Variants in DNMBP observed in about 807,000 individuals in gnomAD.
DNMBP encodes the protein dynamin binding protein.
A neutral mutation model predicts 150.0 loss-of-function variants in DNMBP; 87 were observed. That is an observed-to-expected ratio of 0.58 (90% CI 0.49 to 0.69). The LOEUF is 0.69. Ranked by LOEUF, DNMBP falls within the 30% of genes least tolerant of loss-of-function variation. The pLI, the probability that DNMBP is intolerant of heterozygous loss-of-function variation, is 0.00. For missense variants in DNMBP, 1,774 were observed against 1,949.0 expected (o/e 0.91, Z 1.69); for synonymous variants, 711 against 750.4 (o/e 0.95, Z 0.86).
intron 4 of DNMBP, among the ~76,000 whole-genome samples, chr10:99,916,846 A>G (rs929214659): frequency 3.9e-5 from 6 of 152,122 alleles, no homozygotes; most frequent in Non-Finnish European, 8.8e-5. Flanking sequence ...ATTTCCTCAA[A>G]AGGGTCTGGG....
intron 6 of DNMBP, among the ~76,000 whole-genome samples, chr10:99,902,114 T>C (rs1416028111): frequency 6.6e-6 from 1 of 151,938 alleles, no homozygotes; most frequent in Non-Finnish European, 1.5e-5. Context: ...GGTCACAAAC[T>C]CTTGGGCTCA....
chr10:99,991,800 G>A (rs1203193258), intron 1 of DNMBP, among the ~76,000 whole-genome samples: 1 of 151,716 alleles, frequency 6.6e-6, no homozygotes, highest in Non-Finnish European at 1.5e-5. Flanking sequence ...CAGCTACTCG[G>A]GAGGCTGAGG....
intron 1 of DNMBP, among the ~76,000 whole-genome samples, chr10:100,005,819 A>G (rs995278879): frequency 1.3e-5 from 2 of 151,626 alleles, no homozygotes; most frequent in Admixed American, 6.6e-5. Context: ...TTACAGCATT[A>G]TAAATCAAGA....
At chr10:99,898,507 C>T in intron 8 of DNMBP, 1 of 664,110 alleles carries the variant, frequency 1.5e-6, no homozygotes, top group Non-Finnish European at 2.6e-6. Context: ...AGGTACTGTT[C>T]TAGGTGCTGG....
chr10:99,941,089 T>A (rs1367700711), intron 4 of DNMBP, among the ~76,000 whole-genome samples: 1 of 152,146 alleles, frequency 6.6e-6, no homozygotes, highest in African/African-American at 2.4e-5. Context: ...TTCACCATGT[T>A]GGTCCGGATG....
At chr10:99,915,505 G>A (rs904947201) in intron 4 of DNMBP, among the ~76,000 whole-genome samples, 4 of 150,860 alleles carry the variant, frequency 2.7e-5, no homozygotes, top group South Asian at 4.2e-4. Context: ...CCAGGAGTTC[G>A]AGACCAGCCT....
chr10:99,878,292 A>G (rs191972653), intron 16 of DNMBP, among the ~76,000 whole-genome samples: 2 of 152,330 alleles, frequency 1.3e-5, no homozygotes, highest in East Asian at 3.9e-4. Flanking sequence ...GGAGGAGCTC[A>G]GGGAGGAGGA....
At chr10:99,913,998 G>C in intron 4 of DNMBP, 1 of 1,504,738 alleles carries the variant, frequency 6.6e-7, no homozygotes, top group Non-Finnish European at 8.9e-7. Flanking sequence ...GGGCCTGAGG[G>C]TAAGCAGGCG....
intron 7 of DNMBP, among the ~76,000 whole-genome samples, 161 bp from the exon 8 acceptor site, chr10:99,898,921 G>A (rs2039699179): frequency 6.6e-6 from 1 of 152,242 alleles, no homozygotes; most frequent in East Asian, 1.9e-4. Context: ...GGCCAGGCAT[G>A]GTGGCTCACG....
chr10:99,953,084 C>G (rs1199862976), intron 4 of DNMBP, among the ~76,000 whole-genome samples: 1 of 152,060 alleles, frequency 6.6e-6, no homozygotes, highest in Non-Finnish European at 1.5e-5. Flanking sequence ...TAAATTTTTT[C>G]TCCTGTGAGT....
intron 4 of DNMBP, among the ~76,000 whole-genome samples, chr10:99,914,905 A>G (rs1436248140): frequency 6.6e-6 from 1 of 151,716 alleles, no homozygotes; most frequent in Non-Finnish European, 1.5e-5. Context: ...CAGCCTGGTC[A>G]ACATGGTGAA....
intron 4 of DNMBP, among the ~76,000 whole-genome samples, chr10:99,925,130 CTT>C (rs199936120): frequency 1.3e-5 from 2 of 151,734 alleles, no homozygotes; most frequent in Non-Finnish European, 2.9e-5. Flanking sequence ...TTTCCTAACA[CTT>C]TTTTTTTCTG....
intron 1 of DNMBP, among the ~76,000 whole-genome samples, chr10:99,989,186 T>C (rs2040860111): frequency 6.6e-6 from 1 of 152,242 alleles, no homozygotes; most frequent in African/African-American, 2.4e-5. Context: ...GAATTGCATA[T>C]CCATACCCTT....
chr10:99,875,840 A>T lies in DNMBP; in HGVS notation c.*1311T>A, dbSNP rs1009839854. 2 of 152,210 alleles carry T rather than the reference A, an allele frequency of 1.3e-5. No homozygotes were observed. The highest frequency in any genetic ancestry group is 4.8e-5 in the African/African-American group (2 of 41,440). 9.4% of individuals were successfully genotyped at this position (152,210 alleles called of 1,614,324 possible). A position where few individuals can be genotyped will look rare whatever the true frequency, so the allele number is the denominator to read the frequency against. On this transcript the variant is annotated 3_prime_UTR_variant, in exon 17 of 17. Transcript: ENST00000324109. The stretch of plus-strand genomic sequence containing the variant: ...GGTTTCCCATTCCAAGATAGGCTTC[A>T]TAGCTGGGGAAGATCTTAAGATTCT...
At chr10:99,911,465 C>G (rs2039898109) in intron 4 of DNMBP, among the ~76,000 whole-genome samples, 2 of 152,046 alleles carry the variant, frequency 1.3e-5, no homozygotes, top group South Asian at 2.1e-4. Flanking sequence ...CCTGGGAGAA[C>G]AGAGCAAGAC....
At chr10:99,903,294 G>A (rs1001858879) in intron 6 of DNMBP, among the ~76,000 whole-genome samples, 5 of 151,764 alleles carry the variant, frequency 3.3e-5, no homozygotes, top group African/African-American at 9.7e-5. Flanking sequence ...CAGTGGGGGT[G>A]GGGCTGGCTC....
chr10:99,889,240 C>G (rs1012430612), intron 11 of DNMBP: 1 of 220,852 alleles, frequency 4.5e-6, no homozygotes, highest in South Asian at 8.9e-5. Context: ...TACCAAAAAG[C>G]AAATTATCAA....
At chr10:99,885,614 G>A in intron 14 of DNMBP, 73 bp downstream of exon 14, 1 of 1,340,268 alleles carries the variant, frequency 7.5e-7, no homozygotes, top group Non-Finnish European at 1.0e-6. Flanking sequence ...TGGGATCTGG[G>A]CCTGGGGGCC....
intron 3 of DNMBP, among the ~76,000 whole-genome samples, chr10:99,968,726 G>C (rs2040645468): frequency 6.6e-6 from 1 of 151,094 alleles, no homozygotes; most frequent in African/African-American, 2.4e-5. Context: ...GCATGAGCCT[G>C]AAGTGTGGCT....
Sources: gnomAD v4.1 joint callset for allele counts (sites outside exome capture counted in the v4.1 genomes callset) on GRCh38, gnomAD v4.1.1 for gene constraint, MANE v1.5 for transcripts, NCBI Gene and HGNC (gene_info 2026-07-23, HGNC 2026-07-21) for gene names.